Variants in BSPRY observed in about 807,000 individuals in gnomAD.
The protein encoded by BSPRY is B-box and SPRY domain containing.
A neutral mutation model predicts 38.0 loss-of-function variants in BSPRY; 33 were observed. That is an observed-to-expected ratio of 0.87 (90% confidence interval 0.66 to 1.16). The LOEUF is 1.16. Among genes scored for constraint, BSPRY ranks in the 50% most tolerant of loss-of-function variants. The pLI, the probability that BSPRY is intolerant of heterozygous loss-of-function variation, is 0.00. For missense variants in BSPRY, 523 were observed against 533.2 expected, an observed-to-expected ratio of 0.98 and a Z score of 0.19; for synonymous variants, 224 against 228.5, an observed-to-expected ratio of 0.98 and a Z score of 0.18.
intron 4 of BSPRY, among the ~76,000 whole-genome samples, chr9:113,363,410 C>T (rs1050219616): frequency 6.6e-6 from 1 of 152,092 alleles, no homozygotes; most frequent in African/African-American, 2.4e-5. Flanking sequence ...CCACTGCACT[C>T]AGCCTGGGCA....
intron 4 of BSPRY, 26 bp downstream of exon 4, chr9:113,362,420 T>C (rs776981030): frequency 3.1e-6 from 5 of 1,611,722 alleles, no homozygotes; most frequent in Non-Finnish European, 4.2e-6. Context: ...GTGATTTGAC[T>C]GGGTAGTCTT....
chr9:113,354,193 G>C (rs1456108634), intron 1 of BSPRY, 47 bp from the exon 2 acceptor site: 16 of 1,504,800 alleles, frequency 1.1e-5, no homozygotes, highest in Non-Finnish European at 1.5e-5. Context: ...GGAGTGAATG[G>C]CTCAGGTACA....
At chr9:113,365,518 C>G (rs1240890759) in intron 4 of BSPRY, among the ~76,000 whole-genome samples, 1 of 152,206 alleles carries the variant, frequency 6.6e-6, no homozygotes, top group Non-Finnish European at 1.5e-5. Flanking sequence ...CTTTCTTGCT[C>G]TCTTTCACAA....
chr9:113,367,768 G>T (rs1261677081), intron 4 of BSPRY, among the ~76,000 whole-genome samples: 1 of 151,970 alleles, frequency 6.6e-6, no homozygotes, highest in Non-Finnish European at 1.5e-5. Flanking sequence ...AGGCTTCTGG[G>T]GGGCACAGGG....
chr9:113,357,067 C>T lies in BSPRY; in HGVS notation c.300+2729C>T, dbSNP rs779581033. 5.3e-5 allele frequency among the ~76,000 whole-genome samples: 8 copies of T among 151,956 alleles called. No homozygotes were observed. In the South Asian group the frequency reaches 8.3e-4, roughly 16 times the overall value. ...ATCACTAAGTGAATGAGTGTAGACA[C>T]GAAAGAGCAGCGGTCCAAAGACTGA... On this transcript the variant is annotated intron_variant, in intron 2 of 5. Coordinates refer to ENST00000374183, the MANE Select transcript of BSPRY (RefSeq NM_017688.3).
chr9:113,367,186 G>C (rs572458039), intron 4 of BSPRY, among the ~76,000 whole-genome samples: 1 of 152,146 alleles, frequency 6.6e-6, no homozygotes, highest in Non-Finnish European at 1.5e-5. Flanking sequence ...CTCTGAATCT[G>C]TTCTGTCCTG....
At position 113,365,802 on chromosome 9, in the gene BSPRY, C is replaced by CTT. The variant is rs139762130; in HGVS notation, c.558-2438_558-2437dup. On this transcript the variant is annotated intron_variant, in intron 4 of 5. Coordinates refer to ENST00000374183, the MANE Select transcript of BSPRY (RefSeq NM_017688.3). Reference sequence around the variant, plus strand: ...GATGCATGAGTTTGTGTCACAGCTTCTTTTTTTTTTTTTTTTTTTTGAGAT... The same window carrying CTT: ...GATGCATGAGTTTGTGTCACAGCTTCTTTTTTTTTTTTTTTTTTTTTTGAGAT... Among the ~76,000 whole-genome samples, 372 of 106,718 alleles carry CTT rather than the reference C, an allele frequency of 3.5e-3. 6 individuals carry two copies. The highest frequency in any genetic ancestry group is 5.6e-3 in the African/African-American group (154 of 27,300). The allele number at this position is 106,718 out of a possible 152,430, so 70.0% of individuals were successfully genotyped here.
intron 2 of BSPRY, among the ~76,000 whole-genome samples, chr9:113,359,062 A>G (rs1002423364): frequency 7.2e-5 from 11 of 152,272 alleles, no homozygotes; most frequent in Admixed American, 6.5e-4. Flanking sequence ...AAAAAAAGAT[A>G]AAGAAGAGCA....
In BSPRY at chr9:113,371,045, C is replaced by T. The variant is rs1373114592; in HGVS notation, c.*903C>T. 6.6e-6 allele frequency: 1 copy of T among 150,606 alleles called. No individual in the cohort carries two copies. Among genetic ancestry groups the T allele is most frequent in the Non-Finnish European group, 1.5e-5 (1 of 67,324 alleles). 9.3% of individuals were successfully genotyped at this position (150,606 alleles called of 1,614,324 possible). A position where few individuals can be genotyped will look rare whatever the true frequency, so the allele number is the denominator to read the frequency against. On this transcript the variant is annotated 3_prime_UTR_variant, in exon 6 of 6. Transcript: ENST00000374183. ...CTGCTGGCTGAGCTCCAGCCTGTGC[C>T]CACTGATAATAGCAGGGACGGCCTT...
At chr9:113,367,477 G>T (rs546023584) in intron 4 of BSPRY, among the ~76,000 whole-genome samples, 1 of 152,150 alleles carries the variant, frequency 6.6e-6, no homozygotes, top group Non-Finnish European at 1.5e-5. Flanking sequence ...TTAAAGTAGA[G>T]GAGTGGCTGT....
At chr9:113,360,406 C>A in intron 2 of BSPRY, 101 bp from the exon 3 acceptor site, 1 of 1,105,498 alleles carries the variant, frequency 9.0e-7, no homozygotes, top group Non-Finnish European at 1.3e-6. Flanking sequence ...GCAGACATTG[C>A]TAATCAATCT....
intron 2 of BSPRY, among the ~76,000 whole-genome samples, chr9:113,357,996 C>T (rs1473705142): frequency 6.9e-6 from 1 of 144,354 alleles, no homozygotes; most frequent in East Asian, 2.1e-4. Context: ...CCTATAATCC[C>T]AGCACTTTGG....
intron 2 of BSPRY, among the ~76,000 whole-genome samples, chr9:113,360,206 T>C (rs1212284924): frequency 1.3e-5 from 2 of 152,198 alleles, no homozygotes; most frequent in African/African-American, 2.4e-5. Context: ...CCAACTGTGA[T>C]TAAGCAGAGT....
rs568174864 is a variant in BSPRY at position 113,358,378 on chromosome 9, C to T, written c.301-2129C>T. ...CCACCTCCCAGCTTCAAGCAATTCT[C>T]CTGCCTCAGCCTCCTGAGTAACTGG... On this transcript the variant is annotated intron_variant, in intron 2 of 5. Coordinates refer to ENST00000374183, the MANE Select transcript of BSPRY (RefSeq NM_017688.3). Among the ~76,000 whole-genome samples, 20 of 152,152 alleles carry T rather than the reference C, an allele frequency of 1.3e-4. No individual in the cohort carries two copies. In the South Asian group the frequency reaches 3.5e-3, roughly 27 times the overall value.
rs1228441168 is a variant in BSPRY, at chr9:113,349,585, C to A, written c.6C>A (p.Ser2=). ...CACGGGGCGGGCGCACGGCCATGTC[C>A]GCCGAGGGCGCGGAGCCGGGGCCGG... M[S]AEGAEPGPGS... Residue 2 remains serine, a synonymous_variant, in exon 1 of 6, where the codon TCC becomes TCA. Coordinates refer to ENST00000374183, the MANE Select transcript of BSPRY (RefSeq NM_017688.3). 9 of 1,170,030 alleles carry A rather than the reference C, an allele frequency of 7.7e-6. No homozygotes were observed. Among genetic ancestry groups the A allele is most frequent in the Non-Finnish European group, 9.5e-6 (9 of 949,276 alleles). The allele number at this position is 1,170,030 out of a possible 1,614,324, so 72.5% of individuals were successfully genotyped here.
rs1564333497 is a variant in BSPRY, at chr9:113,354,153, CA to C, written c.202-86del. The C allele has an allele frequency of 9.7e-5, 105 of 1,077,592 alleles. 1 individual carries two copies. The highest frequency in any genetic ancestry group is 1.4e-4 in the Non-Finnish European group (99 of 705,786). 66.8% of individuals were successfully genotyped at this position (1,077,592 alleles called of 1,614,324 possible). A position where few individuals can be genotyped will look rare whatever the true frequency, so the allele number is the denominator to read the frequency against. Reference sequence around the variant, plus strand: ...TATGACCATGGGAGTGGGTGGCTGACATGTGGTAACAGGAGAAAATCACTGG... The same window carrying C: ...TATGACCATGGGAGTGGGTGGCTGACTGTGGTAACAGGAGAAAATCACTGG... On this transcript the variant is annotated intron_variant, in intron 1 of 5. Transcript: ENST00000374183.
chr9:113,360,345 G>A (rs1158104391), intron 2 of BSPRY, among the ~76,000 whole-genome samples, 162 bp from the exon 3 acceptor site: 1 of 152,174 alleles, frequency 6.6e-6, no homozygotes, highest in African/African-American at 2.4e-5. Context: ...TTGGGGCAGA[G>A]ATGTCAAAGT....
At chr9:113,350,719 A>G (rs1023612935) in intron 1 of BSPRY, among the ~76,000 whole-genome samples, 2 of 152,148 alleles carry the variant, frequency 1.3e-5, no homozygotes, top group African/African-American at 4.8e-5. Context: ...CACATCTTAT[A>G]TAGGGTGCTG....
intron 4 of BSPRY, among the ~76,000 whole-genome samples, chr9:113,366,321 A>C (rs575223320): frequency 8.5e-5 from 13 of 152,320 alleles, no homozygotes; most frequent in African/African-American, 2.9e-4. Flanking sequence ...ATTTGTCTGT[A>C]GTTCTTTATG....
Sources: allele counts gnomAD v4.1 joint callset (sites outside exome capture counted in the v4.1 genomes callset), GRCh38; gene constraint gnomAD v4.1.1; transcripts MANE v1.5; gene names NCBI Gene and HGNC (gene_info 2026-07-23, HGNC 2026-07-21).